The following MYT1L variants were observed in gnomAD, a reference collection of about 807,000 sequenced individuals.
The protein encoded by MYT1L is myelin transcription factor 1 like, also known as myelin transcription factor 1-like protein.
Under a neutral mutation model 126.7 loss-of-function variants are expected in MYT1L, and 12 were observed. The ratio of observed to expected loss-of-function variants is 0.09; its 90% CI spans 0.06 to 0.15. The LOEUF is 0.15. Ranked by LOEUF, MYT1L falls within the 10% of genes least tolerant of loss-of-function variation. The pLI is 1.00. For missense variants in MYT1L, 979 were observed against 1,585.2 expected (o/e 0.62, Z 6.49); for synonymous variants, 541 against 604.2 (o/e 0.90, Z 1.53).
At chr2:2,098,309 T>G (rs2077672958) in intron 3 of MYT1L, among the ~76,000 whole-genome samples, 2 of 152,148 alleles carry the variant, frequency 1.3e-5, no homozygotes, top group South Asian at 4.1e-4. Flanking sequence ...ACACCAATAA[T>G]TTATGCTTTT....
chr2:1,975,247 T>TGCCAGATCCCACCGCCAGATCACACC, intron 8 of MYT1L, among the ~76,000 whole-genome samples: 1 of 149,726 alleles, frequency 6.7e-6, no homozygotes. Context: ...CCAAACAGAC[T>TGCCAGATCCCACCGCCAGATCACACC]GCCAGATCCC....
At chr2:1,794,603 G>A (rs1344211644) in intron 23 of MYT1L, among the ~76,000 whole-genome samples, 1 of 152,076 alleles carries the variant, frequency 6.6e-6, no homozygotes. Flanking sequence ...AAATTCTTGG[G>A]GACACATTTT....
intron 2 of MYT1L, among the ~76,000 whole-genome samples, chr2:2,173,433 G>A (rs1173982868): frequency 2.6e-5 from 4 of 152,180 alleles, no homozygotes; most frequent in African/African-American, 9.7e-5. Context: ...ATAGTTTGCT[G>A]ATGACAAGGC....
chr2:2,106,221 G>C (rs2078741547), intron 3 of MYT1L, among the ~76,000 whole-genome samples: 1 of 152,214 alleles, frequency 6.6e-6, no homozygotes, highest in Non-Finnish European at 1.5e-5. Context: ...TAATATGTTA[G>C]AGAAAGTGAG....
At chr2:2,010,911 A>G (rs1187599148) in intron 4 of MYT1L, among the ~76,000 whole-genome samples, 1 of 152,178 alleles carries the variant, frequency 6.6e-6, no homozygotes, top group Non-Finnish European at 1.5e-5. Context: ...GGGCTAGTCA[A>G]AGGGGAGAGA....
chr2:1,988,942 C>T (rs1344044934), intron 5 of MYT1L, among the ~76,000 whole-genome samples: 1 of 152,202 alleles, frequency 6.6e-6, no homozygotes. Flanking sequence ...ATCCATGTTA[C>T]AGATAACTGC....
rs112720544 is a variant in MYT1L at position 2,002,496 on chromosome 2, A to G, written c.-157-5149T>C. Among the ~76,000 whole-genome samples, 708 of 152,346 alleles carry G rather than the reference A, an allele frequency of 4.6e-3. 7 individuals are homozygous for G. The highest frequency in any genetic ancestry group is 0.016 in the African/African-American group (679 of 41,586). ...GGATGCCACTGGTAAGTGTCAGGCC[A>G]CTGTTGTGCTCCAGGTTGCCTAAGA... is the stretch of plus-strand genomic sequence containing the variant. On this transcript the variant is annotated intron_variant, in intron 4 of 24. Coordinates refer to ENST00000647738, the MANE Select transcript of MYT1L (RefSeq NM_001303052.2).
chr2:1,810,725 A>G lies in MYT1L; in HGVS notation c.3081-1558T>C, dbSNP rs1365631643. 3.3e-5 allele frequency among the ~76,000 whole-genome samples: 5 copies of G among 152,324 alleles called. No individual in the cohort carries two copies. The East Asian group carries it at 7.7e-4, about 23-fold the overall frequency. On this transcript the variant is annotated intron_variant, in intron 21 of 24. Transcript: ENST00000647738. ...GGAAAATTCATAGCAGAAGAACTTG[A>G]TCGTAATACATTTTCAACTGGGGAT... is the stretch of plus-strand genomic sequence containing the variant.
chr2:2,308,840 A>G (rs929121142), intron 1 of MYT1L, among the ~76,000 whole-genome samples: 1 of 151,918 alleles, frequency 6.6e-6, no homozygotes, highest in African/African-American at 2.4e-5. Flanking sequence ...GCTATGCTTC[A>G]GTACATTCGA....
intron 2 of MYT1L, among the ~76,000 whole-genome samples, chr2:2,218,284 ATTTGAAAAAG>A (rs1485328200): frequency 6.6e-6 from 1 of 152,220 alleles, no homozygotes; most frequent in Non-Finnish European, 1.5e-5. Flanking sequence ...TAGCAACTTA[ATTTGAAAAAG>A]CCATAAATTG....
chr2:2,058,422 T>C (rs1449671931), intron 3 of MYT1L, among the ~76,000 whole-genome samples: 2 of 152,232 alleles, frequency 1.3e-5, no homozygotes, highest in East Asian at 1.9e-4. Flanking sequence ...GTTTTAATTT[T>C]AGTGACATCC....
intron 3 of MYT1L, among the ~76,000 whole-genome samples, chr2:2,164,396 T>C (rs1274948031): frequency 6.6e-6 from 1 of 152,232 alleles, no homozygotes; most frequent in Non-Finnish European, 1.5e-5. Flanking sequence ...ACACCTGTTT[T>C]ATGCATCCTG....
At chr2:2,315,005 A>G (rs1311378170) in intron 1 of MYT1L, among the ~76,000 whole-genome samples, 4 of 152,190 alleles carry the variant, frequency 2.6e-5, no homozygotes, top group African/African-American at 9.6e-5. Context: ...CCCCTTCCTT[A>G]TATCTTATTC....
chr2:2,061,951 G>A (rs1236005045), intron 3 of MYT1L, among the ~76,000 whole-genome samples: 8 of 152,098 alleles, frequency 5.3e-5, no homozygotes, highest in Non-Finnish European at 7.4e-5. Context: ...AGCTTTCAAC[G>A]CTTCTAGCCA....
At chr2:2,178,986 T>A (rs769853962) in intron 2 of MYT1L, among the ~76,000 whole-genome samples, 2 of 152,164 alleles carry the variant, frequency 1.3e-5, no homozygotes, top group Admixed American at 6.5e-5. Context: ...TCCATGGGGC[T>A]TAGAAAAAGT....
chr2:1,926,842 A>C (rs541680681), intron 9 of MYT1L, among the ~76,000 whole-genome samples: 1 of 152,332 alleles, frequency 6.6e-6, no homozygotes, highest in South Asian at 2.1e-4. Flanking sequence ...CCTGGCCTCC[A>C]TTTTACTAGT....
intron 3 of MYT1L, among the ~76,000 whole-genome samples, chr2:2,105,195 G>A (rs568341329): frequency 3.7e-4 from 56 of 152,304 alleles, no homozygotes; most frequent in Middle Eastern, 3.4e-3. Flanking sequence ...ACTGAAGAGA[G>A]TAAGTGTTTC....
At position 1,892,068 on chromosome 2, in the gene MYT1L, C is replaced by T. The variant is rs1412764635; in HGVS notation, c.2252G>A (p.Ser751Asn). ...GGCGCACAGGTCCTGCGGCTTGGTG[C>T]TCAGGTTCTGCGGCATCTCGCGGCA... is the stretch of plus-strand genomic sequence containing the variant. ...TRCREMPQNL[S>N]TKPQDLCATR... Residue 751 changes from serine (S) to asparagine (N), a missense_variant, in exon 15 of 25, where the codon AGC (serine) becomes AAC (asparagine). Transcript: ENST00000647738. 1 of 1,539,952 alleles carries T rather than the reference C, an allele frequency of 6.5e-7. No homozygotes were observed. Among genetic ancestry groups the T allele is most frequent in the African/African-American group, 1.4e-5 (1 of 73,124 alleles).
At chr2:2,291,627 A>T (rs967363002) in intron 1 of MYT1L, among the ~76,000 whole-genome samples, 1 of 152,332 alleles carries the variant, frequency 6.6e-6, no homozygotes, top group Middle Eastern at 3.4e-3. Flanking sequence ...GCGGTGCGTG[A>T]TGGGTTCTGA....
Sources: allele counts gnomAD v4.1 joint callset (sites outside exome capture counted in the v4.1 genomes callset), GRCh38; gene constraint gnomAD v4.1.1; transcripts MANE v1.5; gene names NCBI Gene and HGNC (gene_info 2026-07-23, HGNC 2026-07-21).